The following UBE2E3 variants were observed in gnomAD, a reference collection of about 807,000 sequenced individuals.
UBE2E3 encodes the protein ubiquitin-conjugating enzyme E2 E3.
UBE2E3 carries 5 observed loss-of-function variants against 23.6 expected under a neutral mutation model. The ratio of observed to expected loss-of-function variants is 0.21; its 90% CI spans 0.11 to 0.44. UBE2E3 has a LOEUF of 0.44. Ranked by LOEUF, UBE2E3 falls within the 20% of genes least tolerant of loss-of-function variation. The pLI, the probability that UBE2E3 is intolerant of heterozygous loss-of-function variation, is 0.99. For synonymous variants in UBE2E3, 78 were observed against 87.5 expected (o/e 0.89, Z 0.60); for missense variants, 81 against 249.8 (o/e 0.32, Z 4.55).
chr2:181,022,835 CT>C (rs1685752295), intron 3 of UBE2E3, among the ~76,000 whole-genome samples: 1 of 152,092 alleles, frequency 6.6e-6, no homozygotes, highest in Non-Finnish European at 1.5e-5. Context: ...TTTTTCTCCA[CT>C]CTGCGCATTG....
intron 3 of UBE2E3, among the ~76,000 whole-genome samples, chr2:181,041,564 C>G (rs544636389): frequency 1.2e-4 from 18 of 151,808 alleles, no homozygotes; most frequent in African/African-American, 3.4e-4. Context: ...TCAGCCTCCC[C>G]AGTAGCTGGG....
intron 3 of UBE2E3, among the ~76,000 whole-genome samples, chr2:181,038,818 G>T (rs969641832): frequency 2.6e-5 from 4 of 152,196 alleles, no homozygotes; most frequent in Non-Finnish European, 5.9e-5. Context: ...ATGAATAACA[G>T]TGGTGCTTAC....
At chr2:181,056,595 A>G (rs561827567) in intron 3 of UBE2E3, among the ~76,000 whole-genome samples, 57 of 151,840 alleles carry the variant, frequency 3.8e-4, no homozygotes, top group African/African-American at 1.3e-3. Context: ...GGAGGGCATT[A>G]ATTTATTCAT....
Position 180,986,039 on chromosome 2 carries a change from A to T in UBE2E3, c.245+1946A>T, listed in dbSNP as rs543293804. On this transcript the variant is annotated intron_variant, in intron 3 of 5. Coordinates refer to ENST00000410062, the MANE Select transcript of UBE2E3 (RefSeq NM_006357.4). ...ACTTGTCTTTCTCTTTATATACCAG[A>T]TTTCATTTAAGTCCTTGAAATAATG... 2.6e-5 allele frequency among the ~76,000 whole-genome samples: 4 copies of T among 152,206 alleles called. No homozygotes were observed. In the East Asian group the frequency reaches 5.8e-4, roughly 22 times the overall value.
At chr2:181,005,827 A>G (rs1574174523) in intron 3 of UBE2E3, among the ~76,000 whole-genome samples, 1 of 152,122 alleles carries the variant, frequency 6.6e-6, no homozygotes, top group African/African-American at 2.4e-5. Context: ...AATGGCAAGG[A>G]TGTTTATAAA....
intron 3 of UBE2E3, among the ~76,000 whole-genome samples, chr2:181,013,023 C>T (rs1685381853): frequency 6.6e-6 from 1 of 152,052 alleles, no homozygotes; most frequent in South Asian, 2.1e-4. Context: ...ATGGGAGTCT[C>T]ATTATGTTTC....
intron 3 of UBE2E3, among the ~76,000 whole-genome samples, chr2:181,051,856 T>G (rs903459363): frequency 6.6e-6 from 1 of 151,930 alleles, no homozygotes; most frequent in African/African-American, 2.4e-5. Flanking sequence ...ATAATTACTA[T>G]TCTCTGTGTT....
chr2:181,048,469 A>G (rs1686735972), intron 3 of UBE2E3, among the ~76,000 whole-genome samples: 1 of 152,164 alleles, frequency 6.6e-6, no homozygotes, highest in East Asian at 1.9e-4. Flanking sequence ...ATGGATTAAT[A>G]AGCAATACCA....
At chr2:180,997,526 T>C (rs550175435) in intron 3 of UBE2E3, among the ~76,000 whole-genome samples, 6 of 152,260 alleles carry the variant, frequency 3.9e-5, no homozygotes, top group African/African-American at 1.4e-4. Context: ...TTTTTCACCC[T>C]TGTGTTGTTT....
chr2:181,048,572 A>G (rs553974221), intron 3 of UBE2E3, among the ~76,000 whole-genome samples: 1 of 152,212 alleles, frequency 6.6e-6, no homozygotes, highest in South Asian at 2.1e-4. Context: ...AGATAAAATC[A>G]TGGGAACCAC....
At chr2:181,032,523 T>G (rs911721033) in intron 3 of UBE2E3, among the ~76,000 whole-genome samples, 1 of 152,168 alleles carries the variant, frequency 6.6e-6, no homozygotes, top group South Asian at 2.1e-4. Flanking sequence ...TTCAATATCT[T>G]TATATCTTAG....
At chr2:181,036,026 G>A (rs2105656296) in intron 3 of UBE2E3, among the ~76,000 whole-genome samples, 1 of 152,322 alleles carries the variant, frequency 6.6e-6, no homozygotes, top group Non-Finnish European at 1.5e-5. Flanking sequence ...TGAGTGGTAT[G>A]TTTGAAATAC....
chr2:181,045,220 A>G (rs1477106542), intron 3 of UBE2E3, among the ~76,000 whole-genome samples: 4 of 152,206 alleles, frequency 2.6e-5, no homozygotes, highest in African/African-American at 9.6e-5. Context: ...CATTTGATCA[A>G]TTTTAAAAAG....
At chr2:181,003,644 A>G (rs1376312614) in intron 3 of UBE2E3, among the ~76,000 whole-genome samples, 1 of 152,230 alleles carries the variant, frequency 6.6e-6, no homozygotes, top group Non-Finnish European at 1.5e-5. Context: ...AAAACTTTAT[A>G]AAACAAAATT....
At chr2:180,989,852 T>C (rs1214552022) in intron 3 of UBE2E3, 1 of 1,532,750 alleles carries the variant, frequency 6.5e-7, no homozygotes, top group East Asian at 2.5e-5. Flanking sequence ...TGAGTTGCTG[T>C]AACAACAGAT....
intron 3 of UBE2E3, among the ~76,000 whole-genome samples, chr2:181,037,784 T>C (rs911684457): frequency 2.0e-5 from 3 of 152,002 alleles, no homozygotes; most frequent in Non-Finnish European, 2.9e-5. Context: ...GCCTGGGCAA[T>C]ATAGCAAGAC....
At chr2:181,046,413 T>A (rs1276970590) in intron 3 of UBE2E3, among the ~76,000 whole-genome samples, 8 of 152,022 alleles carry the variant, frequency 5.3e-5, no homozygotes. Flanking sequence ...GACAAACAGG[T>A]GCTGTTAGAG....
At chr2:181,008,841 A>G (rs910003704) in intron 3 of UBE2E3, among the ~76,000 whole-genome samples, 3 of 151,696 alleles carry the variant, frequency 2.0e-5, no homozygotes, top group African/African-American at 7.3e-5. Context: ...GCTTGAAATA[A>G]TTTTGTAGAC....
rs534720601 is a variant in UBE2E3 at position 181,028,126 on chromosome 2, A to G, written c.246-29567A>G. Among the ~76,000 whole-genome samples the G allele has an allele frequency of 1.2e-3, 186 of 152,084 alleles. 1 individual carries two copies. Among genetic ancestry groups the G allele is most frequent in the Non-Finnish European group, 2.2e-3 (149 of 67,908 alleles). On this transcript the variant is annotated intron_variant, in intron 3 of 5. Coordinates refer to ENST00000410062, the MANE Select transcript of UBE2E3 (RefSeq NM_006357.4). ...TATTACTAAACGGCATATATTGTTTAATTTTGAGCACTATACATTACATAA... is the reference window on the plus strand; with the variant it reads ...TATTACTAAACGGCATATATTGTTTGATTTTGAGCACTATACATTACATAA...
Sources: allele counts gnomAD v4.1 joint callset (sites outside exome capture counted in the v4.1 genomes callset), GRCh38; gene constraint gnomAD v4.1.1; transcripts MANE v1.5; gene names NCBI Gene and HGNC (gene_info 2026-07-23, HGNC 2026-07-21).